LOC400499: variants seen among roughly 807,000 people sequenced by gnomAD.
chr16:11,385,322 C>G, the LOC400499 span: 5 of 1,232,200 alleles, frequency 4.1e-6, no homozygotes, highest in East Asian at 1.6e-4. Flanking sequence ...GAGCAAAGTC[C>G]TGGGCCAGGA....
chr16:11,523,363 G>A, the LOC400499 span: 1 of 398,628 alleles, frequency 2.5e-6, no homozygotes, highest in East Asian at 3.6e-5. Context: ...GCCCTGTACT[G>A]GGCTCAGGCT....
At chr16:11,480,215 C>T in the LOC400499 span, among the ~76,000 whole-genome samples, 1 of 152,208 alleles carries the variant, frequency 6.6e-6, no homozygotes, top group Admixed American at 6.5e-5. Context: ...GGATGTGAGT[C>T]TCTAGGAAAA....
At chr16:11,388,601 C>G in the LOC400499 span, among the ~76,000 whole-genome samples, 15 of 152,264 alleles carry the variant, frequency 9.9e-5, no homozygotes, top group East Asian at 2.5e-3. Context: ...GGGCTCCCCC[C>G]TTCTATCCAC....
At chr16:11,412,811 G>A in the LOC400499 span, 14 of 398,942 alleles carry the variant, frequency 3.5e-5, no homozygotes, top group Admixed American at 8.8e-5. Context: ...TTCCTCCCCC[G>A]ACTCCTCTCC....
chr16:11,419,561 A>G, the LOC400499 span, among the ~76,000 whole-genome samples: 1 of 152,340 alleles, frequency 6.6e-6, no homozygotes, highest in East Asian at 1.9e-4. Context: ...CATGTCTAGA[A>G]CACCAAAAGC....
the LOC400499 span, chr16:11,470,722 G>C: frequency 1.3e-5 from 2 of 152,386 alleles, no homozygotes; most frequent in Non-Finnish European, 2.9e-5. Context: ...ACACGAGAAC[G>C]GGTAAGACGG....
chr16:11,516,455 C>T, the LOC400499 span: 576 of 397,642 alleles, frequency 1.4e-3, 2 homozygotes, highest in African/African-American at 0.01. Flanking sequence ...ACTAGATAGC[C>T]TTTGTTCCCT....
the LOC400499 span, chr16:11,385,419 G>C: frequency 4.1e-6 from 5 of 1,232,278 alleles, no homozygotes; most frequent in Non-Finnish European, 4.0e-6. Flanking sequence ...GGCATGGTCT[G>C]GGTAGAAGCA....
the LOC400499 span, chr16:11,477,087 T>C: frequency 7.5e-6 from 3 of 398,914 alleles, no homozygotes; most frequent in South Asian, 2.8e-4. Flanking sequence ...AGGCTGTACA[T>C]GCGCCAAGCA....
the LOC400499 span, among the ~76,000 whole-genome samples, chr16:11,479,761 T>G: frequency 6.6e-6 from 1 of 152,172 alleles, no homozygotes; most frequent in South Asian, 2.1e-4. Flanking sequence ...AAACCAACAC[T>G]GGTATGTTTC....
the LOC400499 span, among the ~76,000 whole-genome samples, chr16:11,489,361 C>T: frequency 6.6e-6 from 1 of 152,172 alleles, no homozygotes; most frequent in African/African-American, 2.4e-5. Context: ...TCTTGCAGGG[C>T]TTTTTGGGAA....
At chr16:11,411,594 T>C in the LOC400499 span, among the ~76,000 whole-genome samples, 1 of 152,176 alleles carries the variant, frequency 6.6e-6, no homozygotes, top group Non-Finnish European at 1.5e-5. Context: ...GCAAGCTTCT[T>C]GGTTGTCCCT....
the LOC400499 span, chr16:11,460,467 G>T: frequency 1.3e-6 from 2 of 1,517,526 alleles, no homozygotes. Context: ...CACCTGGCCT[G>T]GGAACCCACC....
At chr16:11,517,590 G>A in the LOC400499 span, among the ~76,000 whole-genome samples, 31 of 152,162 alleles carry the variant, frequency 2.0e-4, no homozygotes, top group African/African-American at 9.7e-5. Flanking sequence ...CAGAAACCCC[G>A]AACTGGAAGT....
chr16:11,464,905 C>CA, the LOC400499 span, among the ~76,000 whole-genome samples: 1 of 152,194 alleles, frequency 6.6e-6, no homozygotes, highest in African/African-American at 2.4e-5. Flanking sequence ...GAAAATGAGG[C>CA]ATAAGTCTCA....
chr16:11,455,138 AC>A, the LOC400499 span, among the ~76,000 whole-genome samples: 2 of 152,244 alleles, frequency 1.3e-5, no homozygotes, highest in African/African-American at 2.4e-5. Flanking sequence ...CCAGAAAAAA[AC>A]AATAGGTCAC....
At chr16:11,498,407 G>A in the LOC400499 span, among the ~76,000 whole-genome samples, 21 of 152,180 alleles carry the variant, frequency 1.4e-4, no homozygotes, top group South Asian at 2.9e-3. Flanking sequence ...ACTTGAACCC[G>A]GGAGGTGGAG....
chr16:11,482,174 C>T, the LOC400499 span, among the ~76,000 whole-genome samples: 19 of 152,244 alleles, frequency 1.2e-4, no homozygotes, highest in Non-Finnish European at 1.5e-4. Flanking sequence ...CAATCCAAGA[C>T]GATGAACCCC....
chr16:11,378,049 G>C, the LOC400499 span, among the ~76,000 whole-genome samples: 1 of 151,818 alleles, frequency 6.6e-6, no homozygotes, highest in African/African-American at 2.4e-5. Context: ...CCTATCTTTG[G>C]GTTTAGGCTG....
Sources: allele counts gnomAD v4.1 joint callset (sites outside exome capture counted in the v4.1 genomes callset), GRCh38; gene constraint gnomAD v4.1.1; transcripts MANE v1.5.